OSBPL9: variants seen among roughly 807,000 people sequenced by gnomAD.
OSBPL9 encodes the protein oxysterol-binding protein-related protein 9.
In OSBPL9, 40 loss-of-function variants were observed where a neutral mutation model predicts 106.6. The ratio of observed to expected loss-of-function variants is 0.38; its 90% confidence interval spans 0.29 to 0.49. The LOEUF (loss-of-function observed/expected upper bound fraction) is 0.49. Among genes scored for constraint, OSBPL9 ranks in the 20% least tolerant of loss-of-function variants. The probability of loss-of-function intolerance (pLI) is 0.97; values close to 1 mark genes in which losing one functional copy is unlikely to be tolerated. For missense variants in OSBPL9, 609 were observed against 887.2 expected (o/e 0.69, Z 3.98); for synonymous variants, 269 against 295.4 (o/e 0.91, Z 0.92).
At chr1:51,581,766 C>T (rs12567776) in intron 1 of OSBPL9, among the ~76,000 whole-genome samples, 22,277 of 152,040 alleles carry the variant, frequency 0.15, 2,999 homozygotes, top group African/African-American at 0.36. Flanking sequence ...AGGGATCCTC[C>T]CACCTCAGCT....
intron 1 of OSBPL9, among the ~76,000 whole-genome samples, chr1:51,625,965 A>G (rs1275701001): frequency 2.0e-5 from 3 of 152,250 alleles, no homozygotes; most frequent in African/African-American, 4.8e-5. Context: ...CAATGTTAAA[A>G]TTATTGTAAA....
intron 4 of OSBPL9, among the ~76,000 whole-genome samples, chr1:51,724,107 T>A (rs1029344959): frequency 6.6e-6 from 1 of 151,920 alleles, no homozygotes; most frequent in Non-Finnish European, 1.5e-5. Context: ...CCACCACGCC[T>A]GCTAATTTTT....
intron 2 of OSBPL9, among the ~76,000 whole-genome samples, chr1:51,598,531 G>T (rs568945593): frequency 6.6e-6 from 1 of 152,226 alleles, no homozygotes; most frequent in South Asian, 2.1e-4. Context: ...CTCATCAGAT[G>T]TAAGTAGCAC....
At chr1:51,699,233 T>A (rs530241747) in intron 3 of OSBPL9, among the ~76,000 whole-genome samples, 1 of 152,294 alleles carries the variant, frequency 6.6e-6, no homozygotes, top group East Asian at 1.9e-4. Flanking sequence ...TGCTCCTGTA[T>A]AGTAATTTTC....
At chr1:51,639,287 T>C (rs1216102892) in intron 1 of OSBPL9, among the ~76,000 whole-genome samples, 2 of 152,182 alleles carry the variant, frequency 1.3e-5, no homozygotes, top group Non-Finnish European at 2.9e-5. Context: ...CAAGTTTTCC[T>C]CCTGTGTGCC....
chr1:51,582,544 G>A (rs1195553825), intron 1 of OSBPL9, among the ~76,000 whole-genome samples: 2 of 152,016 alleles, frequency 1.3e-5, no homozygotes. Context: ...TGGCCAGGCT[G>A]GTTTCAAACT....
intron 20 of OSBPL9, chr1:51,785,054 G>A (rs76892480): frequency 0.02 from 3,375 of 168,314 alleles, 68 homozygotes; most frequent in African/African-American, 0.055. Context: ...CTTGGGTCAC[G>A]TGCAGATGAC....
intron 1 of OSBPL9, among the ~76,000 whole-genome samples, chr1:51,647,618 C>T (rs1646247372): frequency 6.6e-6 from 1 of 151,974 alleles, no homozygotes; most frequent in Non-Finnish European, 1.5e-5. Context: ...TTTCTTTAGT[C>T]AGTTTTGGCA....
At chr1:51,520,466 G>A in the OSBPL9 span, among the ~76,000 whole-genome samples, 5 of 152,334 alleles carry the variant, frequency 3.3e-5, no homozygotes, top group East Asian at 9.6e-4. Context: ...AGCGTTAGTT[G>A]AGGGTTTGTC....
chr1:51,576,614 A>G (rs749000677), upstream of OSBPL9, among the ~76,000 whole-genome samples: 2 of 151,778 alleles, frequency 1.3e-5, no homozygotes, highest in Non-Finnish European at 2.9e-5. Context: ...TGCAGCCTCA[A>G]TCTCCTGGGC....
the OSBPL9 span, chr1:51,561,809 T>G: frequency 6.6e-6 from 1 of 152,192 alleles, no homozygotes. Flanking sequence ...TCAAGTCTTG[T>G]GATTTCCAGC....
At chr1:51,622,827 T>C (rs940346609) in intron 1 of OSBPL9, among the ~76,000 whole-genome samples, 2 of 152,242 alleles carry the variant, frequency 1.3e-5, no homozygotes, top group Non-Finnish European at 2.9e-5. Flanking sequence ...AGCCATTAAA[T>C]TCCACTCATG....
At chr1:51,762,170 T>C (rs779857931) in intron 11 of OSBPL9, among the ~76,000 whole-genome samples, 199 bp downstream of exon 11, 2 of 152,186 alleles carry the variant, frequency 1.3e-5, no homozygotes, top group Non-Finnish European at 2.9e-5. Flanking sequence ...TTAAGTTTTA[T>C]TTATTTTTAA....
chr1:51,529,600 A>G, the OSBPL9 span, among the ~76,000 whole-genome samples: 8 of 152,014 alleles, frequency 5.3e-5, no homozygotes, highest in East Asian at 1.5e-3. Context: ...ATATAAACCA[A>G]TGGAATGTAA....
At chr1:51,741,239 T>A (rs1666828761) in intron 4 of OSBPL9, among the ~76,000 whole-genome samples, 1 of 152,176 alleles carries the variant, frequency 6.6e-6, no homozygotes, top group Non-Finnish European at 1.5e-5. Flanking sequence ...TTTTAGAAAT[T>A]CCCCTTAAAT....
chr1:51,720,330 C>CT (rs1167647452), intron 4 of OSBPL9, among the ~76,000 whole-genome samples: 3,798 of 144,134 alleles, frequency 0.026, 90 homozygotes, highest in Middle Eastern at 0.1. Context: ...TTCTTTTTCT[C>CT]TTTTTTTTTT....
chr1:51,567,699 CACATA>C, the OSBPL9 span: 1 of 152,204 alleles, frequency 6.6e-6, no homozygotes, highest in South Asian at 2.1e-4. Flanking sequence ...AATGAGATAA[CACATA>C]TAAAATGCAT....
chr1:51,660,120 G>A (rs1398885554), intron 2 of OSBPL9, among the ~76,000 whole-genome samples: 3 of 151,976 alleles, frequency 2.0e-5, no homozygotes, highest in Non-Finnish European at 4.4e-5. Flanking sequence ...TGGATCAATT[G>A]GGTGTCCATA....
chr1:51,662,350 A>G (rs1647249671), intron 2 of OSBPL9, among the ~76,000 whole-genome samples: 1 of 152,076 alleles, frequency 6.6e-6, no homozygotes, highest in Non-Finnish European at 1.5e-5. Flanking sequence ...AGGAAGAGAG[A>G]GACAGAAATT....
Sources: allele counts gnomAD v4.1 joint callset (sites outside exome capture counted in the v4.1 genomes callset), GRCh38; gene constraint gnomAD v4.1.1; transcripts MANE v1.5; gene names NCBI Gene and HGNC (gene_info 2026-07-23, HGNC 2026-07-21).